PRKG1: variants seen among roughly 807,000 people sequenced by gnomAD.
PRKG1 encodes the protein cGMP-dependent protein kinase 1.
In PRKG1, 35 loss-of-function variants were observed where a neutral mutation model predicts 88.1. The ratio of observed to expected loss-of-function variants is 0.40; its 90% confidence interval spans 0.30 to 0.53. The LOEUF (loss-of-function observed/expected upper bound fraction) is 0.53. Among genes scored for constraint, PRKG1 ranks in the 20% least tolerant of loss-of-function variants. The probability of loss-of-function intolerance (pLI) is 0.59; values close to 1 mark genes in which losing one functional copy is unlikely to be tolerated. For missense variants in PRKG1, 540 were observed against 839.8 expected (o/e 0.64, Z 4.41); for synonymous variants, 303 against 292.5 (o/e 1.04, Z -0.37).
At chr10:52,012,708 A>G (rs1844923899) in intron 5 of PRKG1, among the ~76,000 whole-genome samples, 1 of 152,160 alleles carries the variant, frequency 6.6e-6, no homozygotes, top group African/African-American at 2.4e-5. Context: ...ATTGAGCACC[A>G]GCTAAATCCT....
At chr10:51,056,428 G>A (rs1300945912) in intron 1 of PRKG1, among the ~76,000 whole-genome samples, 1 of 152,132 alleles carries the variant, frequency 6.6e-6, no homozygotes, top group African/African-American at 2.4e-5. Flanking sequence ...GACTACTTGG[G>A]AATGCTTGTT....
chr10:51,483,180 C>A (rs1052192094), intron 3 of PRKG1, among the ~76,000 whole-genome samples: 1 of 152,054 alleles, frequency 6.6e-6, no homozygotes, highest in Non-Finnish European at 1.5e-5. Context: ...GCCACCACGA[C>A]TGGCTAATTT....
intron 1 of PRKG1, among the ~76,000 whole-genome samples, chr10:51,101,364 C>T (rs1844676596): frequency 6.6e-6 from 1 of 152,130 alleles, no homozygotes; most frequent in Non-Finnish European, 1.5e-5. Flanking sequence ...TGGCTGGCAC[C>T]TTGATCTTGG....
intron 3 of PRKG1, among the ~76,000 whole-genome samples, chr10:51,473,257 A>G (rs1430177728): frequency 6.6e-6 from 1 of 151,948 alleles, no homozygotes; most frequent in Non-Finnish European, 1.5e-5. Context: ...GATGCTACAT[A>G]ACAGACTAAC....
chr10:51,967,452 C>T (rs896425096), intron 5 of PRKG1, among the ~76,000 whole-genome samples: 3 of 152,014 alleles, frequency 2.0e-5, no homozygotes, highest in African/African-American at 7.3e-5. Context: ...GGAGATATAC[C>T]TAATGTATAC....
At chr10:52,149,080 G>T (rs567573808) in intron 8 of PRKG1, among the ~76,000 whole-genome samples, 1 of 149,702 alleles carries the variant, frequency 6.7e-6, no homozygotes, top group South Asian at 2.1e-4. Context: ...TGGAGCAAGA[G>T]TCCAGAGGAG....
intron 3 of PRKG1, among the ~76,000 whole-genome samples, chr10:51,620,216 A>T (rs1839170055): frequency 6.6e-6 from 1 of 152,104 alleles, no homozygotes; most frequent in Admixed American, 6.6e-5. Flanking sequence ...TTTCTATAAA[A>T]CCCTTATGAA....
At chr10:51,775,556 C>A (rs114045856) in intron 3 of PRKG1, among the ~76,000 whole-genome samples, 3,446 of 151,178 alleles carry the variant, frequency 0.023, 127 homozygotes, top group African/African-American at 0.078. Flanking sequence ...TTGAGGAAGC[C>A]CAGTTCTTTA....
intron 2 of PRKG1, among the ~76,000 whole-genome samples, chr10:51,275,676 C>A (rs894752513): frequency 6.6e-6 from 1 of 152,144 alleles, no homozygotes; most frequent in Admixed American, 6.5e-5. Flanking sequence ...GCTGATGAGA[C>A]AAGAAAAAGG....
At chr10:52,131,996 TA>T (rs1295823406) in intron 7 of PRKG1, among the ~76,000 whole-genome samples, 3 of 151,782 alleles carry the variant, frequency 2.0e-5, no homozygotes, top group Admixed American at 1.3e-4. Context: ...ATGGCTTTTT[TA>T]AAAAACAGGG....
chr10:51,082,764 G>A (rs1844146082), intron 1 of PRKG1, among the ~76,000 whole-genome samples: 2 of 151,878 alleles, frequency 1.3e-5, no homozygotes, highest in Admixed American at 1.3e-4. Flanking sequence ...AATTGTACGT[G>A]TAGTTTAGTT....
intron 4 of PRKG1, among the ~76,000 whole-genome samples, chr10:51,855,677 CA>C (rs1840662584): frequency 6.6e-6 from 1 of 152,100 alleles, no homozygotes; most frequent in Non-Finnish European, 1.5e-5. Flanking sequence ...ATAAGGTGAC[CA>C]ATTGTCTCTG....
chr10:51,030,103 T>C (rs1843262441), intron 1 of PRKG1, among the ~76,000 whole-genome samples: 1 of 152,106 alleles, frequency 6.6e-6, no homozygotes, highest in Non-Finnish European at 1.5e-5. Context: ...TCTATGATGC[T>C]TCCTTCAGTA....
intron 3 of PRKG1, among the ~76,000 whole-genome samples, chr10:51,663,702 CAAAAAAA>C (rs56804341): frequency 1.4e-5 from 1 of 72,722 alleles, no homozygotes; most frequent in Non-Finnish European, 2.8e-5. Context: ...GACCCTGTCT[CAAAAAAA>C]AAAAAAAAAA....
intron 8 of PRKG1, among the ~76,000 whole-genome samples, chr10:52,146,508 C>T (rs138867980): frequency 4.6e-5 from 7 of 152,154 alleles, no homozygotes; most frequent in Admixed American, 1.3e-4. Context: ...TTCTCCATTT[C>T]AAAGGTAAAC....
chr10:52,015,101 G>A (rs1181720943), intron 5 of PRKG1, among the ~76,000 whole-genome samples: 1 of 152,226 alleles, frequency 6.6e-6, no homozygotes, highest in Non-Finnish European at 1.5e-5. Flanking sequence ...CCCCAATGGG[G>A]ACTCTGTGTG....
chr10:51,908,734 A>ATTTTT (rs34836745), intron 5 of PRKG1: 8 of 52,222 alleles, frequency 1.5e-4, no homozygotes, highest in Middle Eastern at 9.4e-3. Context: ...TCTATATGTA[A>ATTTTT]TTTTTTTTTT....
At chr10:51,966,241 C>G (rs908614013) in intron 5 of PRKG1, among the ~76,000 whole-genome samples, 1 of 152,144 alleles carries the variant, frequency 6.6e-6, no homozygotes. Flanking sequence ...TTTCAGCAAC[C>G]CTTTCCATCT....
In PRKG1 at chr10:51,331,994, A is replaced by G. The variant is rs2132530571; in HGVS notation, c.479-135729A>G. Among the ~76,000 whole-genome samples, 3 of 152,330 alleles carry G rather than the reference A, an allele frequency of 2.0e-5. 1 individual carries two copies. In the Middle Eastern group the frequency reaches 0.01, roughly 518 times the overall value. ...CACCCATTCTGAACAAGGTACTCTC[A>G]TAAATACAGTCATGCCCTCAACTAA... On this transcript the variant is annotated intron_variant, in intron 2 of 17. Transcript: ENST00000373980.
Sources: allele counts gnomAD v4.1 joint callset (sites outside exome capture counted in the v4.1 genomes callset), GRCh38; gene constraint gnomAD v4.1.1; transcripts MANE v1.5; gene names NCBI Gene and HGNC (gene_info 2026-07-23, HGNC 2026-07-21).